Variants in PLEKHA5 observed in about 807,000 individuals in gnomAD.
PLEKHA5 encodes the protein pleckstrin homology domain-containing family A member 5.
In PLEKHA5, 55 loss-of-function variants were observed where a neutral mutation model predicts 181.9. That is an observed-to-expected ratio of 0.30 (90% CI 0.24 to 0.38). The LOEUF is 0.38. Ranked by LOEUF, PLEKHA5 falls within the 10% of genes least tolerant of loss-of-function variation. The pLI is 1.00. For missense variants in PLEKHA5, 1,432 were observed against 1,549.5 expected (o/e 0.92, Z 1.27); for synonymous variants, 535 against 529.4 (o/e 1.01, Z -0.15).
intron 10 of PLEKHA5, among the ~76,000 whole-genome samples, chr12:19,272,693 C>T (rs748614813): frequency 1.1e-4 from 16 of 152,128 alleles, no homozygotes; most frequent in Admixed American, 2.6e-4. Context: ...GCCAAGATCA[C>T]GTCACTGCAC....
intron 31 of PLEKHA5, among the ~76,000 whole-genome samples, chr12:19,373,913 C>T (rs2095649408): frequency 6.7e-6 from 1 of 148,472 alleles, no homozygotes; most frequent in South Asian, 2.2e-4. Flanking sequence ...TTCCAGGTTC[C>T]TTAAATTGTT....
At chr12:19,371,005 CT>C (rs34940438) in intron 31 of PLEKHA5, 30,627 of 138,984 alleles carry the variant, frequency 0.22, 3,214 homozygotes, top group South Asian at 0.27. Context: ...ATTTTCTCTC[CT>C]TTTTTTTTTT....
intron 3 of PLEKHA5, among the ~76,000 whole-genome samples, chr12:19,172,916 G>C (rs1294701741): frequency 2.7e-5 from 4 of 146,456 alleles, no homozygotes; most frequent in Non-Finnish European, 5.9e-5. Context: ...CATTCTCCTC[G>C]TGTCTCGGGT....
chr12:19,223,231 A>C lies in PLEKHA5; in HGVS notation c.228-30709A>C, dbSNP rs147130930. Among the ~76,000 whole-genome samples the C allele has an allele frequency of 2.7e-3, 407 of 152,276 alleles. 3 individuals carry two copies. The highest frequency in any genetic ancestry group is 9.2e-3 in the African/African-American group (384 of 41,538). On this transcript the variant is annotated intron_variant, in intron 3 of 31. Coordinates refer to ENST00000429027, the MANE Select transcript of PLEKHA5 (RefSeq NM_001256470.2). ...CTCTGTTATTCAAGCATACATGGGT[A>C]ATGAAAACAATATCATAATTGCCAC...
intron 20 of PLEKHA5, 121 bp downstream of exon 20, chr12:19,322,788 T>A: frequency 1.6e-6 from 1 of 636,534 alleles, no homozygotes; most frequent in Non-Finnish European, 2.7e-6. Context: ...GCAGAAAATA[T>A]TAATTTGTTA....
At chr12:19,304,837 G>A (rs144919065) in intron 15 of PLEKHA5, among the ~76,000 whole-genome samples, 9 of 151,746 alleles carry the variant, frequency 5.9e-5, no homozygotes, top group African/African-American at 1.5e-4. Flanking sequence ...CCTCATGCCT[G>A]TAATCCTACC....
chr12:19,133,124 T>C (rs955464664), intron 3 of PLEKHA5, among the ~76,000 whole-genome samples: 8 of 152,014 alleles, frequency 5.3e-5, no homozygotes, highest in African/African-American at 1.9e-4. Context: ...TATTTAAATA[T>C]GTCTAAGTCA....
chr12:19,341,259 C>T (rs77625012), intron 21 of PLEKHA5, among the ~76,000 whole-genome samples: 13,502 of 151,654 alleles, frequency 0.089, 1,499 homozygotes, highest in East Asian at 0.26. Flanking sequence ...CCTGGGTGGC[C>T]GAGTGAGACT....
chr12:19,174,115 C>G (rs1229076913), intron 3 of PLEKHA5, among the ~76,000 whole-genome samples: 1 of 152,062 alleles, frequency 6.6e-6, no homozygotes, highest in Non-Finnish European at 1.5e-5. Flanking sequence ...ACCATGAAAA[C>G]CCAACTACAA....
intron 3 of PLEKHA5, among the ~76,000 whole-genome samples, chr12:19,166,385 A>G (rs948674669): frequency 3.9e-5 from 6 of 152,210 alleles, no homozygotes; most frequent in African/African-American, 1.4e-4. Flanking sequence ...GGCCAAAGAT[A>G]ACAGTGTTAC....
chr12:19,165,591 T>C (rs1315376579), intron 3 of PLEKHA5, among the ~76,000 whole-genome samples: 1 of 152,190 alleles, frequency 6.6e-6, no homozygotes, highest in African/African-American at 2.4e-5. Context: ...GATAGGCTCT[T>C]TGACATTCAG....
At chr12:19,138,051 G>A (rs1296393236) in intron 3 of PLEKHA5, among the ~76,000 whole-genome samples, 1 of 152,082 alleles carries the variant, frequency 6.6e-6, no homozygotes, top group Non-Finnish European at 1.5e-5. Flanking sequence ...GGAGGAAGTG[G>A]TCAATACAAA....
chr12:19,131,470 T>TA (rs2033819224), intron 2 of PLEKHA5, among the ~76,000 whole-genome samples: 1 of 152,218 alleles, frequency 6.6e-6, no homozygotes, highest in South Asian at 2.1e-4. Flanking sequence ...TTCTGGTGTT[T>TA]TACACGCATA....
At chr12:19,317,131 C>G (rs2089118817) in intron 16 of PLEKHA5, among the ~76,000 whole-genome samples, 1 of 152,016 alleles carries the variant, frequency 6.6e-6, no homozygotes, top group South Asian at 2.1e-4. Context: ...ATTTATGAGG[C>G]CAAAGCTGAA....
rs558472134 is a variant in PLEKHA5, at chr12:19,130,330, T to C, written c.169+200T>C. ...GTTCTCTCCAGTCTCGGGGCGCCTC[T>C]TTCTCCTCAGCCTTTCATCAGCACT... On this transcript the variant is annotated intron_variant, in intron 2 of 31. Coordinates refer to ENST00000429027, the MANE Select transcript of PLEKHA5 (RefSeq NM_001256470.2). This position sits in a 1 kb window ranked among gnomAD's most constrained non-coding sequence, Gnocchi z 4.5. Among the ~76,000 whole-genome samples, 4 of 151,692 alleles carry C rather than the reference T, an allele frequency of 2.6e-5. No homozygotes were observed. In the South Asian group the frequency reaches 8.4e-4, roughly 32 times the overall value.
intron 21 of PLEKHA5, among the ~76,000 whole-genome samples, chr12:19,339,546 G>A (rs1483326291): frequency 6.6e-6 from 1 of 152,116 alleles, no homozygotes; most frequent in African/African-American, 2.4e-5. Flanking sequence ...TGGATGGTCT[G>A]ATTTAACATT....
intron 3 of PLEKHA5, among the ~76,000 whole-genome samples, chr12:19,182,386 C>G (rs2048828019): frequency 6.6e-6 from 1 of 152,030 alleles, no homozygotes; most frequent in South Asian, 2.1e-4. Context: ...TCAATCCTTT[C>G]CTAAAGGAAA....
At chr12:19,265,968 TATTA>T (rs532482423) in intron 8 of PLEKHA5, 118 bp downstream of exon 8, 59 of 503,610 alleles carry the variant, frequency 1.2e-4, no homozygotes, top group African/African-American at 8.5e-4. Flanking sequence ...ATTTAAAATA[TATTA>T]ATTAATGGTC....
At chr12:19,324,774 G>A (rs1467730583) in intron 20 of PLEKHA5, among the ~76,000 whole-genome samples, 2 of 152,140 alleles carry the variant, frequency 1.3e-5, no homozygotes, top group African/African-American at 4.8e-5. Flanking sequence ...AGAACTAACA[G>A]CCTGACTGGG....
Sources: allele counts gnomAD v4.1 joint callset (sites outside exome capture counted in the v4.1 genomes callset), GRCh38; gene constraint gnomAD v4.1.1; non-coding constraint Gnocchi (gnomAD v3.1); transcripts MANE v1.5; gene names NCBI Gene and HGNC (gene_info 2026-07-23, HGNC 2026-07-21).